Variants in ST6GAL1 observed in about 807,000 individuals in gnomAD.
The protein encoded by ST6GAL1 is ST6 beta-galactoside alpha-2,6-sialyltransferase 1.
In ST6GAL1, 20 loss-of-function variants were observed where a neutral mutation model predicts 38.0. The observed-to-expected ratio is 0.53, with a 90% CI of 0.37 to 0.77. The LOEUF is 0.77. Ranked by LOEUF, ST6GAL1 falls within the 30% of genes least tolerant of loss-of-function variation. The probability of loss-of-function intolerance (pLI) is 0.00; values close to 1 mark genes in which losing one functional copy is unlikely to be tolerated. For missense variants in ST6GAL1, 432 were observed against 496.4 expected, an observed-to-expected ratio of 0.87 and a Z score of 1.23; for synonymous variants, 196 against 188.2, an observed-to-expected ratio of 1.04 and a Z score of -0.34.
intron 2 of ST6GAL1, among the ~76,000 whole-genome samples, chr3:187,030,654 G>A (rs184608208): frequency 2.2e-3 from 332 of 152,156 alleles, no homozygotes; most frequent in African/African-American, 7.8e-3. Context: ...GGCTGGTCTC[G>A]AACTCCTAAC....
At chr3:187,006,953 G>A (rs1716803566) in intron 2 of ST6GAL1, among the ~76,000 whole-genome samples, 1 of 152,212 alleles carries the variant, frequency 6.6e-6, no homozygotes, top group Non-Finnish European at 1.5e-5. Context: ...GTGGAGTTTT[G>A]AAACATGGAT....
intron 1 of ST6GAL1, among the ~76,000 whole-genome samples, chr3:186,942,746 A>G (rs1378874837): frequency 2.0e-5 from 3 of 152,124 alleles, no homozygotes; most frequent in Non-Finnish European, 2.9e-5. Flanking sequence ...CTCTCATCCA[A>G]TCATCACAGG....
chr3:187,035,373 GTCA>G (rs1717895454), intron 2 of ST6GAL1, among the ~76,000 whole-genome samples: 1 of 152,270 alleles, frequency 6.6e-6, no homozygotes, highest in East Asian at 1.9e-4. Flanking sequence ...AACTACCAAT[GTCA>G]TTTTTCACAG....
At chr3:186,938,368 A>G (rs1239056641) in intron 1 of ST6GAL1, among the ~76,000 whole-genome samples, 2 of 152,202 alleles carry the variant, frequency 1.3e-5, no homozygotes, top group East Asian at 1.9e-4. Flanking sequence ...CTAAGCTTCA[A>G]TTTCCTTCTC....
chr3:187,053,539 C>A (rs1033059438), intron 5 of ST6GAL1, among the ~76,000 whole-genome samples: 1 of 152,104 alleles, frequency 6.6e-6, no homozygotes, highest in Non-Finnish European at 1.5e-5. Context: ...TTCCCAGCAC[C>A]ATTTATTAAA....
intron 1 of ST6GAL1, among the ~76,000 whole-genome samples, chr3:186,960,066 T>G (rs1714883010): frequency 6.6e-6 from 1 of 152,162 alleles, no homozygotes; most frequent in South Asian, 2.1e-4. Flanking sequence ...CTTGGCTCAA[T>G]TTATGAACTT....
chr3:187,039,420 C>G (rs77430716), intron 3 of ST6GAL1, among the ~76,000 whole-genome samples: 1 of 152,282 alleles, frequency 6.6e-6, no homozygotes, highest in African/African-American at 2.4e-5. Flanking sequence ...AGGAGTTTTC[C>G]TTGAGCAGCA....
Position 187,074,342 on chromosome 3 carries a change from A to G in ST6GAL1, c.979+9A>G, listed in dbSNP as rs1719488961. The G allele has an allele frequency of 6.4e-7, 1 of 1,558,382 alleles. No homozygotes were observed. The highest frequency in any genetic ancestry group is 8.7e-7 in the Non-Finnish European group (1 of 1,156,004). On this transcript the variant is annotated intron_variant, in intron 7 of 7. Coordinates refer to ENST00000169298, the MANE Select transcript of ST6GAL1 (RefSeq NM_173216.2). ...ATCCTCTGGGATGCTTGGTGAGTTC[A>G]TGTCGGGGAAAAGACCTTGCATGTT...
At chr3:187,071,714 C>G (rs1259937648) in intron 5 of ST6GAL1, among the ~76,000 whole-genome samples, 1 of 147,272 alleles carries the variant, frequency 6.8e-6, no homozygotes, top group South Asian at 2.1e-4. Flanking sequence ...GAGCCGAGAT[C>G]ACGCCACTGC....
At chr3:186,987,318 A>AG (rs2108542633) in intron 2 of ST6GAL1, among the ~76,000 whole-genome samples, 1 of 152,336 alleles carries the variant, frequency 6.6e-6, no homozygotes, top group Non-Finnish European at 1.5e-5. Context: ...GAACTACGCT[A>AG]GGCACATACA....
intron 1 of ST6GAL1, among the ~76,000 whole-genome samples, chr3:186,941,493 A>G (rs1178347425): frequency 2.0e-5 from 3 of 152,316 alleles, no homozygotes; most frequent in East Asian, 3.9e-4. Context: ...CTAGTCTGCA[A>G]GAGATAAAAA....
chr3:187,069,555 G>GT (rs1719290573), intron 5 of ST6GAL1, among the ~76,000 whole-genome samples: 1 of 152,160 alleles, frequency 6.6e-6, no homozygotes, highest in African/African-American at 2.4e-5. Context: ...GCCGACAATT[G>GT]TAACTTCTTT....
intron 2 of ST6GAL1, among the ~76,000 whole-genome samples, chr3:187,020,131 T>C (rs1717246794): frequency 6.6e-6 from 1 of 152,112 alleles, no homozygotes; most frequent in Non-Finnish European, 1.5e-5. Flanking sequence ...ACCACGTCTC[T>C]ACTAAAAATA....
At chr3:187,001,145 T>C (rs1716603567) in intron 2 of ST6GAL1, among the ~76,000 whole-genome samples, 1 of 152,188 alleles carries the variant, frequency 6.6e-6, no homozygotes, top group Non-Finnish European at 1.5e-5. Flanking sequence ...GGCCTCAACT[T>C]CCCACAGTGG....
At chr3:187,015,008 A>G (rs1579322813) in intron 2 of ST6GAL1, among the ~76,000 whole-genome samples, 1 of 152,360 alleles carries the variant, frequency 6.6e-6, no homozygotes, top group East Asian at 1.9e-4. Flanking sequence ...AAAAGGCAGT[A>G]GGGATTTCTA....
intron 2 of ST6GAL1, among the ~76,000 whole-genome samples, chr3:187,030,811 A>C (rs1360062890): frequency 6.6e-6 from 1 of 152,178 alleles, no homozygotes; most frequent in Non-Finnish European, 1.5e-5. Context: ...AGCTACTCAC[A>C]CAGTTGTGTG....
intron 2 of ST6GAL1, among the ~76,000 whole-genome samples, chr3:186,969,982 T>C (rs1715291044): frequency 6.6e-6 from 1 of 152,178 alleles, no homozygotes; most frequent in Non-Finnish European, 1.5e-5. Flanking sequence ...TTTAACTTTT[T>C]ATTTGGAAAC....
At chr3:187,048,187 C>T (rs1355315744) in intron 4 of ST6GAL1, among the ~76,000 whole-genome samples, 1 of 152,176 alleles carries the variant, frequency 6.6e-6, no homozygotes, top group East Asian at 1.9e-4. Flanking sequence ...TCGTGATCTG[C>T]CCACCTTGGC....
intron 5 of ST6GAL1, among the ~76,000 whole-genome samples, chr3:187,065,498 T>C (rs1294101488): frequency 6.6e-6 from 1 of 152,228 alleles, no homozygotes; most frequent in Non-Finnish European, 1.5e-5. Flanking sequence ...GGTGTGGCTA[T>C]GAGAGTCAAC....
Sources: allele counts gnomAD v4.1 joint callset (sites outside exome capture counted in the v4.1 genomes callset), GRCh38; gene constraint gnomAD v4.1.1; transcripts MANE v1.5; gene names NCBI Gene and HGNC (gene_info 2026-07-23, HGNC 2026-07-21).